The following SSH1 variants were observed in gnomAD, a reference collection of about 807,000 sequenced individuals.
SSH1 encodes protein phosphatase Slingshot homolog 1.
SSH1 carries 43 observed loss-of-function variants against 79.7 expected under a neutral mutation model. That is an observed-to-expected ratio of 0.54 (90% confidence interval 0.42 to 0.70). SSH1 has a LOEUF of 0.70. SSH1 is among the 30% of genes least tolerant of loss of function. The probability of loss-of-function intolerance (pLI) is 0.00; values close to 1 mark genes in which losing one functional copy is unlikely to be tolerated. For missense variants in SSH1, 1,206 were observed against 1,358.8 expected, an observed-to-expected ratio of 0.89 and a Z score of 1.77; for synonymous variants, 599 against 538.3, an observed-to-expected ratio of 1.11 and a Z score of -1.56.
intron 2 of SSH1, among the ~76,000 whole-genome samples, chr12:108,828,722 C>T (rs191399511): frequency 1.2e-4 from 19 of 152,280 alleles, no homozygotes; most frequent in Non-Finnish European, 2.4e-4. Flanking sequence ...AGTTGGGGGA[C>T]AGGACACATC....
Position 108,817,132 on chromosome 12 carries a change from C to T in SSH1, c.307G>A (p.Asp103Asn). 3 of 1,614,180 alleles carry T rather than the reference C, an allele frequency of 1.9e-6. No homozygotes were observed. In the South Asian group the frequency reaches 3.3e-5, roughly 18 times the overall value. The stretch of plus-strand genomic sequence containing the variant: ...ACCACCACCATGTACCGGACCCGGT[C>T]CGCCCAGGCGCTCTCCAGGCGCACT... ...LAVRLESAWA[D>N]RVRYMVVVYS... Residue 103 changes from aspartate to asparagine, a missense_variant, in exon 5 of 15, where the codon GAC (aspartate) becomes AAC (asparagine). This residue lies in a region of SSH1 where 115 missense variants were observed against 173.9 expected (regional missense o/e 0.66). Coordinates refer to ENST00000326495, the MANE Select transcript of SSH1 (RefSeq NM_018984.4).
In SSH1 at chr12:108,823,338, A is replaced by C; in HGVS notation, c.134T>G (p.Val45Gly). Reference protein sequence around the residue: ...NLSLSESFFMVKGAALFLQQG... With the variant: ...NLSLSESFFMGKGAALFLQQG... ...TTGTAAGAAGAGGGCTGCGCCTTTC[A>C]CCATGAAAAAGCTCTCACTTAAGCT... The change falls in exon 3 of 15, where the codon GTG becomes GGG. Residue 45 changes from valine to glycine, a missense_variant. Coordinates refer to ENST00000326495, the MANE Select transcript of SSH1 (RefSeq NM_018984.4). The C allele has an allele frequency of 6.3e-7, 1 of 1,575,236 alleles. No homozygotes were observed. Among genetic ancestry groups the C allele is most frequent in the East Asian group, 2.3e-5 (1 of 43,868 alleles).
rs1021073402 is a variant in SSH1, at chr12:108,789,104, G to C, written c.2034C>G (p.Thr678=). ...TGATGTGGGGTAGGAAGGCTGGCTG[G>C]GTGCAGATGGCGGGAGCATTGGGGT... ...CEDPNAPAIC[T]QPAFLPHITS... The change falls in exon 15 of 15, where the codon ACC becomes ACG. Residue 678 remains threonine (T), a synonymous_variant. Coordinates refer to ENST00000326495, the MANE Select transcript of SSH1 (RefSeq NM_018984.4). The C allele has an allele frequency of 6.2e-7, 1 of 1,613,916 alleles. No individual in the cohort carries two copies. The highest frequency in any genetic ancestry group is 8.5e-7 in the Non-Finnish European group (1 of 1,179,878).
intron 2 of SSH1, among the ~76,000 whole-genome samples, chr12:108,829,320 C>T (rs968704771): frequency 9.2e-5 from 14 of 152,272 alleles, no homozygotes; most frequent in Admixed American, 3.3e-4. Flanking sequence ...AAGTGAGACA[C>T]TGTCTTGGGC....
chr12:108,836,593 T>C (rs761644080), intron 2 of SSH1, among the ~76,000 whole-genome samples: 1 of 152,154 alleles, frequency 6.6e-6, no homozygotes, highest in Non-Finnish European at 1.5e-5. Flanking sequence ...TATAAACCAC[T>C]GAATAAAACA....
At chr12:108,854,617 T>A (rs1444401338) in intron 1 of SSH1, among the ~76,000 whole-genome samples, 1 of 152,226 alleles carries the variant, frequency 6.6e-6, no homozygotes, top group Non-Finnish European at 1.5e-5. Context: ...TGACTCATTA[T>A]GAAGTTGCAA....
chr12:108,804,875 G>A (rs2037198853), intron 10 of SSH1, among the ~76,000 whole-genome samples, 181 bp downstream of exon 10: 1 of 152,220 alleles, frequency 6.6e-6, no homozygotes. Context: ...CTCAAGAGCA[G>A]ATCAGCAGGC....
chr12:108,781,019 C>T lies in SSH1; in HGVS notation c.*6969G>A, dbSNP rs2036140361. ...CACCATTGCACTCCAGTCTGGGCAA[C>T]AAGAGCTAAACTCCATCTCAAAAGA... On this transcript the variant is annotated 3_prime_UTR_variant, in exon 15 of 15. Transcript: ENST00000326495. The T allele has an allele frequency of 6.6e-6, 1 of 150,614 alleles. No homozygotes were observed. The highest frequency in any genetic ancestry group is 1.5e-5 in the Non-Finnish European group (1 of 67,756). 9.3% of individuals were successfully genotyped at this position (150,614 alleles called of 1,614,324 possible).
chr12:108,802,568 G>T (rs1307261191), intron 10 of SSH1, among the ~76,000 whole-genome samples, 200 bp from the exon 11 acceptor site: 1 of 152,148 alleles, frequency 6.6e-6, no homozygotes, highest in African/African-American at 2.4e-5. Flanking sequence ...AAGGGAGGGA[G>T]GGACGGAGGG....
chr12:108,791,862 T>TG (rs1438808158), intron 14 of SSH1: 1 of 1,082,968 alleles, frequency 9.2e-7, no homozygotes, highest in Non-Finnish European at 1.2e-6. Flanking sequence ...ATCAGGGGTG[T>TG]GGGGAAGTGG....
chr12:108,842,428 G>GAGGA (rs1467917264), intron 2 of SSH1, among the ~76,000 whole-genome samples: 1 of 152,198 alleles, frequency 6.6e-6, no homozygotes, highest in Non-Finnish European at 1.5e-5. Flanking sequence ...TTCCTAAAAT[G>GAGGA]AGGAGAGTCC....
chr12:108,852,663 C>G lies in SSH1; in HGVS notation c.85G>C (p.Glu29Gln). Residue 29 changes from glutamate (E) to glutamine (Q), a missense_variant, in exon 2 of 15, where the codon GAA (glutamate) becomes CAA (glutamine). By Grantham distance (29) the Glu-to-Gln change is conservative (BLOSUM62 2). Coordinates refer to ENST00000326495, the MANE Select transcript of SSH1 (RefSeq NM_018984.4). Reference sequence around the variant, plus strand: ...CTGAGGTTTAATTTTCGATCTTCTTCGCTGCCAGCCTCCAACTACAGAGAA... The same window carrying G: ...CTGAGGTTTAATTTTCGATCTTCTTGGCTGCCAGCCTCCAACTACAGAGAA... ...ASNSELEAGSEEDRKLNLSLS... is the reference protein window; with the variant it reads ...ASNSELEAGSQEDRKLNLSLS... 1 of 1,614,140 alleles carries G rather than the reference C, an allele frequency of 6.2e-7. No homozygotes were observed. The highest frequency in any genetic ancestry group is 8.5e-7 in the Non-Finnish European group (1 of 1,180,024).
At chr12:108,847,644 A>C (rs1343790579) in intron 2 of SSH1, among the ~76,000 whole-genome samples, 1 of 152,098 alleles carries the variant, frequency 6.6e-6, no homozygotes, top group Non-Finnish European at 1.5e-5. Flanking sequence ...TTTAGTAGAA[A>C]GGGGGTTTCA....
At chr12:108,811,487 G>A (rs2037594401) in intron 5 of SSH1, 159 bp from the exon 6 acceptor site, 6 of 708,556 alleles carry the variant, frequency 8.5e-6, no homozygotes, top group Non-Finnish European at 1.5e-5. Flanking sequence ...AGAAGACACA[G>A]GTCTGGGATG....
chr12:108,778,588 A>G lies in SSH1; in HGVS notation c.*9400T>C, dbSNP rs1455737291. On this transcript the variant is annotated 3_prime_UTR_variant, in exon 15 of 15. Coordinates refer to ENST00000326495, the MANE Select transcript of SSH1 (RefSeq NM_018984.4). The stretch of plus-strand genomic sequence containing the variant: ...CTTGCAACTAGGAATATATCCTCCA[A>G]TTCCAACAATAACAACCACCATTTA... 1 of 152,162 alleles carries G rather than the reference A, an allele frequency of 6.6e-6. No homozygotes were observed. The highest frequency in any genetic ancestry group is 1.5e-5 in the Non-Finnish European group (1 of 68,048). The allele number at this position is 152,162 out of a possible 1,614,324, so 9.4% of individuals were successfully genotyped here.
In SSH1 at chr12:108,788,667, TTG is replaced by T. The variant is rs1565964675; in HGVS notation, c.2469_2470del (p.Lys824AlafsTer56). 6.2e-7 allele frequency: 1 copy of T among 1,614,098 alleles called. No homozygotes were observed. Among genetic ancestry groups the T allele is most frequent in the Non-Finnish European group, 8.5e-7 (1 of 1,180,034 alleles). ...CAGCCGCTCTAGCTCTTTGGTGTGCTTGCGGACCAAGCCTGCCTTCTGCAGCT... is the reference window on the plus strand; with the variant it reads ...CAGCCGCTCTAGCTCTTTGGTGTGCTCGGACCAAGCCTGCCTTCTGCAGCT... On this transcript the variant is annotated frameshift_variant, in exon 15 of 15. Transcript: ENST00000326495. LOFTEE classifies it low-confidence loss of function (END_TRUNC).
At chr12:108,793,829 G>T (rs887189938) in intron 13 of SSH1, among the ~76,000 whole-genome samples, 34 of 152,344 alleles carry the variant, frequency 2.2e-4, no homozygotes, top group Admixed American at 1.2e-3. Flanking sequence ...AGAGGTAAAT[G>T]TAAGAGCACA....
intron 14 of SSH1, 130 bp from the exon 15 acceptor site, chr12:108,789,374 T>G (rs1565966291): frequency 1.1e-6 from 1 of 932,494 alleles, no homozygotes; most frequent in Non-Finnish European, 1.7e-6. Context: ...GGCTCTCATT[T>G]CACTTAATAC....
intron 2 of SSH1, among the ~76,000 whole-genome samples, chr12:108,843,496 T>C (rs577153384): frequency 1.8e-4 from 28 of 152,220 alleles, no homozygotes; most frequent in African/African-American, 6.7e-4. Context: ...TAATACTCTG[T>C]TGGTGCCATC....
Sources: gnomAD v4.1 joint callset for allele counts (sites outside exome capture counted in the v4.1 genomes callset) on GRCh38, gnomAD v4.1.1 for gene constraint, gnomAD v4.1.1 regional missense constraint, MANE v1.5 for transcripts, NCBI Gene and HGNC (gene_info 2026-07-23, HGNC 2026-07-21) for gene names.